The following GJB7 variants were observed in gnomAD, a reference collection of about 807,000 sequenced individuals.
GJB7 encodes gap junction protein beta 7, also known as gap junction beta-7 protein.
For synonymous variants in GJB7, 87 were observed against 95.2 expected, an observed-to-expected ratio of 0.91 and a Z score of 0.50; for missense variants, 253 against 256.8, an observed-to-expected ratio of 0.99 and a Z score of 0.10.
At chr6:87,328,837 G>A (rs1776913428) in intron 1 of GJB7, among the ~76,000 whole-genome samples, 2 of 152,216 alleles carry the variant, frequency 1.3e-5, no homozygotes, top group South Asian at 2.1e-4. Flanking sequence ...AATGGCGGGC[G>A]CCCCTCCCCC....
At chr6:87,293,695 T>C (rs1776211904) in intron 2 of GJB7, among the ~76,000 whole-genome samples, 1 of 152,240 alleles carries the variant, frequency 6.6e-6, no homozygotes, top group Non-Finnish European at 1.5e-5. Flanking sequence ...AGGACGTTTG[T>C]TGTTGCCACA....
chr6:87,287,079 TG>T (rs1455258537), intron 2 of GJB7, among the ~76,000 whole-genome samples: 1 of 152,202 alleles, frequency 6.6e-6, no homozygotes, highest in African/African-American at 2.4e-5. Flanking sequence ...CAACAAAAAA[TG>T]TCTCCATATA....
In GJB7 at chr6:87,284,236, G is replaced by A. The variant is rs748659616; in HGVS notation, c.*5C>T. On this transcript the variant is annotated 3_prime_UTR_variant, in exon 3 of 3. Coordinates refer to ENST00000525899, the MANE Select transcript of GJB7 (RefSeq NM_198568.3). ...CCACATTCAACATATCTGAGGCTGT[G>A]GCACTCACACACTGAGGACTTGAGG... 3.1e-6 allele frequency: 5 copies of A among 1,608,708 alleles called. No individual in the cohort carries two copies. In the East Asian group the frequency reaches 1.1e-4, roughly 36 times the overall value.
intron 1 of GJB7, among the ~76,000 whole-genome samples, 200 bp downstream of exon 1, chr6:87,328,938 G>A (rs986633709): frequency 1.3e-5 from 2 of 152,222 alleles, no homozygotes; most frequent in African/African-American, 4.8e-5. Flanking sequence ...AACCACGTGC[G>A]GGATATAATC....
chr6:87,307,382 A>C (rs951190017), intron 2 of GJB7, among the ~76,000 whole-genome samples: 4 of 152,254 alleles, frequency 2.6e-5, no homozygotes, highest in East Asian at 3.9e-4. Flanking sequence ...AATGAGATCT[A>C]ATTAAACTAA....
intron 1 of GJB7, among the ~76,000 whole-genome samples, chr6:87,327,925 C>T: frequency 6.7e-6 from 1 of 149,840 alleles, no homozygotes; most frequent in Non-Finnish European, 1.5e-5. Flanking sequence ...TTCACATAGT[C>T]CCATATTTCT....
At position 87,283,315 on chromosome 6, in the gene GJB7, G is replaced by A. The variant is rs1776004274; in HGVS notation, c.*926C>T. On this transcript the variant is annotated 3_prime_UTR_variant, in exon 3 of 3. Coordinates refer to ENST00000525899, the MANE Select transcript of GJB7 (RefSeq NM_198568.3). ...TCTTTTGGTTAAATAGAAGTCTTAA[G>A]TAATTATCAAGTGGGCACATTCTTT... 2.0e-5 allele frequency: 3 copies of A among 152,208 alleles called. No individual in the cohort carries two copies. Among genetic ancestry groups the A allele is most frequent in the African/African-American group, 7.2e-5 (3 of 41,448 alleles). 9.4% of individuals were successfully genotyped at this position (152,208 alleles called of 1,614,324 possible). A position where few individuals can be genotyped will look rare whatever the true frequency, so the allele number is the denominator to read the frequency against.
intron 2 of GJB7, among the ~76,000 whole-genome samples, chr6:87,314,253 T>G (rs1404428832): frequency 6.6e-6 from 1 of 152,188 alleles, no homozygotes; most frequent in Non-Finnish European, 1.5e-5. Flanking sequence ...CTGGAAACTT[T>G]AGGACCTTAG....
At chr6:87,295,895 C>G (rs191985780) in intron 2 of GJB7, among the ~76,000 whole-genome samples, 1 of 152,332 alleles carries the variant, frequency 6.6e-6, no homozygotes. Context: ...GAAAGAAGAA[C>G]TCACATATTA....
At chr6:87,308,887 G>GTA (rs1562214319) in intron 2 of GJB7, among the ~76,000 whole-genome samples, 1 of 152,102 alleles carries the variant, frequency 6.6e-6, no homozygotes, top group Non-Finnish European at 1.5e-5. Context: ...TGACATATAT[G>GTA]ACGTGCTGAA....
intron 2 of GJB7, among the ~76,000 whole-genome samples, chr6:87,288,411 A>T (rs1776101142): frequency 6.6e-6 from 1 of 152,206 alleles, no homozygotes; most frequent in South Asian, 2.1e-4. Flanking sequence ...GACATCTGGA[A>T]GGTTACCATG....
At chr6:87,312,478 T>C (rs1582566136) in intron 2 of GJB7, among the ~76,000 whole-genome samples, 1 of 146,376 alleles carries the variant, frequency 6.8e-6, no homozygotes, top group African/African-American at 2.6e-5. Flanking sequence ...ACCACTGCAC[T>C]CTAGCCTGGG....
At chr6:87,326,517 G>A (rs1010347710) in intron 1 of GJB7, among the ~76,000 whole-genome samples, 11 of 151,564 alleles carry the variant, frequency 7.3e-5, no homozygotes, top group African/African-American at 1.5e-4. Context: ...CCTTCAGTTC[G>A]TTATGTACCC....
intron 2 of GJB7, among the ~76,000 whole-genome samples, chr6:87,307,003 A>G (rs1488171123): frequency 3.9e-5 from 6 of 152,064 alleles, no homozygotes; most frequent in African/African-American, 1.4e-4. Flanking sequence ...GAAGGGGAAC[A>G]TCACACTCTG....
intron 2 of GJB7, among the ~76,000 whole-genome samples, chr6:87,303,909 C>A (rs1015847091): frequency 2.0e-5 from 3 of 152,190 alleles, no homozygotes; most frequent in African/African-American, 7.2e-5. Context: ...ACTGAACAAC[C>A]TGCCCCTGAA....
intron 2 of GJB7, among the ~76,000 whole-genome samples, chr6:87,294,965 C>G (rs901259622): frequency 6.6e-6 from 1 of 152,236 alleles, no homozygotes; most frequent in African/African-American, 2.4e-5. Flanking sequence ...CTTCTCTGAA[C>G]TTCCATTTCC....
intron 1 of GJB7, among the ~76,000 whole-genome samples, chr6:87,327,670 C>T (rs1582088526): frequency 6.6e-6 from 1 of 150,438 alleles, no homozygotes; most frequent in Non-Finnish European, 1.5e-5. Flanking sequence ...CGACCTTTCT[C>T]TCTGGCTGCC....
At position 87,328,723 on chromosome 6, in the gene GJB7, C is replaced by T. The variant is rs1156658307; in HGVS notation, c.-206+415G>A. ...TCTTTTTGTTTGTCTGTGCCCTGCC[C>T]CCAGAGGTGGAGCCTACAGAGGCAG... On this transcript the variant is annotated intron_variant, in intron 1 of 2. Transcript: ENST00000525899. Among the ~76,000 whole-genome samples, 3 of 152,168 alleles carry T rather than the reference C, an allele frequency of 2.0e-5. No individual in the cohort carries two copies. In the South Asian group the frequency reaches 6.2e-4, roughly 31 times the overall value.
chr6:87,321,429 A>G (rs1776658875), intron 2 of GJB7, among the ~76,000 whole-genome samples: 1 of 152,048 alleles, frequency 6.6e-6, no homozygotes, highest in Admixed American at 6.6e-5. Context: ...TCTTATTGCT[A>G]CAGTATATTT....
Sources: gnomAD v4.1 joint callset for allele counts (sites outside exome capture counted in the v4.1 genomes callset) on GRCh38, gnomAD v4.1.1 for gene constraint, MANE v1.5 for transcripts, NCBI Gene and HGNC (gene_info 2026-07-23, HGNC 2026-07-21) for gene names.